PPP2R1B: variants seen among roughly 807,000 people sequenced by gnomAD.
The protein encoded by PPP2R1B is serine/threonine-protein phosphatase 2A 65 kDa regulatory subunit A beta isoform.
In PPP2R1B, 58 loss-of-function variants were observed where a neutral mutation model predicts 72.7. The ratio of observed to expected loss-of-function variants is 0.80; its 90% CI spans 0.65 to 0.99. The LOEUF is 0.99. PPP2R1B is among the 50% of genes least tolerant of loss of function. The probability of loss-of-function intolerance (pLI) is 0.00; values close to 1 mark genes in which losing one functional copy is unlikely to be tolerated. For missense variants in PPP2R1B, 695 were observed against 733.6 expected, an observed-to-expected ratio of 0.95 and a Z score of 0.61; for synonymous variants, 256 against 264.6, an observed-to-expected ratio of 0.97 and a Z score of 0.32.
the PPP2R1B span, among the ~76,000 whole-genome samples, chr11:111,690,755 A>G: frequency 6.6e-6 from 1 of 152,160 alleles, no homozygotes; most frequent in Non-Finnish European, 1.5e-5. Flanking sequence ...GATGGTTTCC[A>G]GCTTCATCCA....
downstream of PPP2R1B, among the ~76,000 whole-genome samples, chr11:111,736,778 C>T (rs1565423762): frequency 6.6e-6 from 1 of 152,362 alleles, no homozygotes; most frequent in East Asian, 1.9e-4. Context: ...AGCGAACCTA[C>T]TAGAATGGGT....
In PPP2R1B at chr11:111,738,243, A is replaced by G; in HGVS notation, c.*3353T>C. 2.0e-6 allele frequency: 2 copies of G among 985,514 alleles called. No individual in the cohort carries two copies. The highest frequency in any genetic ancestry group is 2.4e-6 in the Non-Finnish European group (2 of 830,006). 61.0% of individuals were successfully genotyped at this position (985,514 alleles called of 1,614,324 possible). On this transcript the variant is annotated 3_prime_UTR_variant, in exon 15 of 15. Transcript: ENST00000527614. ...CCTCTCCCTCTACAGTTTCATATCC[A>G]AGCAGTGGAGAAAAATAAGAAGCTT...
At chr11:111,718,011 A>G in the PPP2R1B span, among the ~76,000 whole-genome samples, 9 of 152,264 alleles carry the variant, frequency 5.9e-5, no homozygotes, top group African/African-American at 1.9e-4. Context: ...GCAAACCACC[A>G]TGACACACGT....
intron 5 of PPP2R1B, among the ~76,000 whole-genome samples, chr11:111,756,297 T>C (rs537647874): frequency 1.3e-5 from 2 of 152,120 alleles, no homozygotes; most frequent in East Asian, 3.9e-4. Context: ...GAAATGACTT[T>C]GTACTATGAG....
downstream of PPP2R1B, among the ~76,000 whole-genome samples, chr11:111,734,533 T>A (rs1190199701): frequency 6.6e-6 from 1 of 152,258 alleles, no homozygotes; most frequent in Non-Finnish European, 1.5e-5. Context: ...GAGAGGGCAC[T>A]GACAGGAGGT....
rs1370422404 is a variant in PPP2R1B at position 111,766,311 on chromosome 11, A to G, written c.51T>C (p.Asp17=). ...CGATCGGGTATAGCGAATCATCTCC[A>G]TCTCCACCCGCTGCTCCTGGGCCGG... is the stretch of plus-strand genomic sequence containing the variant. ...LGTGPGAAGG[D]GDDSLYPIAV... The change falls in exon 1 of 15, where the codon GAT becomes GAC. Residue 17 remains aspartate, a synonymous_variant. Coordinates refer to ENST00000527614, the MANE Select transcript of PPP2R1B (RefSeq NM_002716.5). The G allele has an allele frequency of 3.8e-6, 6 of 1,561,918 alleles. No individual in the cohort carries two copies. Among genetic ancestry groups the G allele is most frequent in the Non-Finnish European group, 3.5e-6 (4 of 1,158,510 alleles).
intron 13 of PPP2R1B, 58 bp downstream of exon 13, chr11:111,742,465 A>C (rs888031904): frequency 1.0e-5 from 16 of 1,551,572 alleles, no homozygotes; most frequent in Non-Finnish European, 1.4e-5. Context: ...ATTACTCCCC[A>C]CTATAAGGTA....
At chr11:111,737,343 G>A (rs920320769), downstream of PPP2R1B, 26 of 1,535,040 alleles carry the variant, frequency 1.7e-5, no homozygotes, top group Non-Finnish European at 2.3e-5. Flanking sequence ...AAAGTGAGAG[G>A]TGCTGCTTCT....
chr11:111,715,777 C>A, the PPP2R1B span, among the ~76,000 whole-genome samples: 1 of 143,350 alleles, frequency 7.0e-6, no homozygotes, highest in Non-Finnish European at 1.5e-5. Context: ...TACACGCACA[C>A]TTGAGTCATT....
At chr11:111,720,430 AG>A in the PPP2R1B span, 1 of 1,529,590 alleles carries the variant, frequency 6.5e-7, no homozygotes. Context: ...CTATGTTCCA[AG>A]GAGATGCTAT....
chr11:111,717,282 C>T, the PPP2R1B span, among the ~76,000 whole-genome samples: 12 of 138,160 alleles, frequency 8.7e-5, no homozygotes, highest in East Asian at 2.5e-3. Flanking sequence ...CACCACTGCA[C>T]TCCAGAGCCT....
At chr11:111,717,528 G>A in the PPP2R1B span, among the ~76,000 whole-genome samples, 18 of 152,258 alleles carry the variant, frequency 1.2e-4, no homozygotes, top group Admixed American at 1.0e-3. Flanking sequence ...GTGGAAGACA[G>A]TGTGGCAATT....
At chr11:111,744,867 T>C (rs1158414029) in intron 11 of PPP2R1B, among the ~76,000 whole-genome samples, 1 of 152,126 alleles carries the variant, frequency 6.6e-6, no homozygotes, top group Non-Finnish European at 1.5e-5. Context: ...ACTGACAGTC[T>C]ACAGGAGAAG....
chr11:111,742,114 T>G lies in PPP2R1B; in HGVS notation c.1728A>C (p.Leu576=), dbSNP rs778160192. The G allele has an allele frequency of 3.7e-6, 6 of 1,613,788 alleles. No individual in the cohort carries two copies. The South Asian group carries it at 6.6e-5, about 18-fold the overall frequency. The change falls in exon 14 of 15, where the codon CTA becomes CTC. Residue 576 remains leucine (L), a synonymous_variant. Coordinates refer to ENST00000527614, the MANE Select transcript of PPP2R1B (RefSeq NM_002716.5). The part of the protein sequence containing the change: ...NALQGEVKPV[L]QKLGQDEDMD... ...TGTCTTCATCTTGACCTAACTTCTG[T>G]AGTACTGGCTTCACTTCTCCCTGTA... is the stretch of plus-strand genomic sequence containing the variant.
intron 4 of PPP2R1B, 62 bp from the exon 5 acceptor site, chr11:111,760,013 T>C (rs1555050831): frequency 2.6e-6 from 4 of 1,525,202 alleles, no homozygotes; most frequent in Non-Finnish European, 2.7e-6. Flanking sequence ...CTGCCCCCCA[T>C]ACACACAGAC....
intron 3 of PPP2R1B, among the ~76,000 whole-genome samples, chr11:111,761,775 A>G (rs1555051536): frequency 6.6e-6 from 1 of 152,180 alleles, no homozygotes; most frequent in Admixed American, 6.5e-5. Flanking sequence ...CCTGGCCAAC[A>G]TGGTGGAACC....
chr11:111,760,828 T>C lies in PPP2R1B; in HGVS notation c.530A>G (p.Glu177Gly). Residue 177 changes from glutamate (E) to glycine (G), a missense_variant, in exon 4 of 15, where the codon GAA becomes GGA. Glu to Gly is a moderately conservative substitution (Grantham distance 98). Coordinates refer to ENST00000527614, the MANE Select transcript of PPP2R1B (RefSeq NM_002716.5). ...YPRASNAVKA[E>G]IRQQFRSLCS... ...AAATACCATGGCTTACTGTCTGATTTCTGCTTTAACAGCATTTGATGCCCT... is the reference window on the plus strand; with the variant it reads ...AAATACCATGGCTTACTGTCTGATTCCTGCTTTAACAGCATTTGATGCCCT... 6.2e-7 allele frequency: 1 copy of C among 1,613,988 alleles called. No individual in the cohort carries two copies. The highest frequency in any genetic ancestry group is 8.5e-7 in the Non-Finnish European group (1 of 1,179,906).
intron 15 of PPP2R1B, among the ~76,000 whole-genome samples, chr11:111,732,451 G>A (rs1591664159): frequency 6.6e-6 from 1 of 152,334 alleles, no homozygotes. Context: ...AACACCTTGG[G>A]AGGCAGAGGC....
At chr11:111,743,903 G>A (rs530779094) in intron 11 of PPP2R1B, among the ~76,000 whole-genome samples, 2 of 152,352 alleles carry the variant, frequency 1.3e-5, no homozygotes, top group African/African-American at 4.8e-5. Flanking sequence ...AATGAAGTGT[G>A]GCATTGTGTA....
Sources: gnomAD v4.1 joint callset for allele counts (sites outside exome capture counted in the v4.1 genomes callset) on GRCh38, gnomAD v4.1.1 for gene constraint, MANE v1.5 for transcripts, NCBI Gene and HGNC (gene_info 2026-07-23, HGNC 2026-07-21) for gene names.